The following GRID1 variants were observed in gnomAD, a reference collection of about 807,000 sequenced individuals.
The protein encoded by GRID1 is glutamate ionotropic receptor delta type subunit 1.
In GRID1, 28 loss-of-function variants were observed where a neutral mutation model predicts 98.0. The observed-to-expected ratio is 0.29, with a 90% CI of 0.21 to 0.39. The LOEUF (loss-of-function observed/expected upper bound fraction) is 0.39. Ranked by LOEUF, GRID1 falls within the 10% of genes least tolerant of loss-of-function variation. GRID1 has a pLI of 1.00. For missense variants in GRID1, 1,111 were observed against 1,340.5 expected, an observed-to-expected ratio of 0.83 and a Z score of 2.67; for synonymous variants, 553 against 538.5, an observed-to-expected ratio of 1.03 and a Z score of -0.37.
chr10:85,819,375 G>T (rs1842742278), intron 8 of GRID1, among the ~76,000 whole-genome samples: 1 of 152,180 alleles, frequency 6.6e-6, no homozygotes, highest in Non-Finnish European at 1.5e-5. Context: ...CACACCAAGT[G>T]ATGAATGTTA....
At chr10:85,701,260 C>T (rs935654052) in intron 12 of GRID1, among the ~76,000 whole-genome samples, 19 of 152,034 alleles carry the variant, frequency 1.2e-4, no homozygotes, top group East Asian at 3.9e-4. Context: ...GCAGTAACAA[C>T]GGAAAATGCC....
At chr10:85,801,940 T>C (rs963538916) in intron 8 of GRID1, among the ~76,000 whole-genome samples, 1 of 151,972 alleles carries the variant, frequency 6.6e-6, no homozygotes, top group Non-Finnish European at 1.5e-5. Flanking sequence ...GATAAACAAA[T>C]ATAAAATCTC....
intron 4 of GRID1, among the ~76,000 whole-genome samples, chr10:86,128,012 A>G (rs1229549074): frequency 6.6e-6 from 1 of 152,180 alleles, no homozygotes; most frequent in Admixed American, 6.5e-5. Context: ...TGACCAGTAA[A>G]TAGCCTCAAA....
intron 8 of GRID1, among the ~76,000 whole-genome samples, chr10:85,781,183 C>T (rs894951656): frequency 3.9e-5 from 6 of 152,184 alleles, no homozygotes; most frequent in Non-Finnish European, 8.8e-5. Context: ...AATCTCTGCT[C>T]ACAGATGGAA....
chr10:85,716,976 T>C (rs1253110843), intron 12 of GRID1, among the ~76,000 whole-genome samples: 1 of 152,126 alleles, frequency 6.6e-6, no homozygotes, highest in Non-Finnish European at 1.5e-5. Flanking sequence ...GGGGGAATTA[T>C]GAGCTTTTTG....
chr10:85,659,781 T>C (rs543506525), intron 12 of GRID1, among the ~76,000 whole-genome samples: 1 of 152,222 alleles, frequency 6.6e-6, no homozygotes, highest in Non-Finnish European at 1.5e-5. Context: ...GGATTCCTAC[T>C]CTGTGCCATG....
In GRID1 at chr10:86,364,042, A is replaced by G. The variant is rs747628909; in HGVS notation, c.134T>C (p.Val45Ala). The G allele has an allele frequency of 6.2e-7, 1 of 1,613,916 alleles. No individual in the cohort carries two copies. The highest frequency in any genetic ancestry group is 8.5e-7 in the Non-Finnish European group (1 of 1,179,808). ...AKDDRVFQLA[V>A]SDLSLNDDIL... ...GTCATCGTTGAGGCTCAGGTCGGAT[A>G]CCGCCAACTGGAACACCCTGTCGTC... The change falls in exon 2 of 16, where the codon GTA (valine) becomes GCA (alanine). Residue 45 changes from valine (V) to alanine (A), a missense_variant. Physicochemically the swap from Val to Ala is moderately conservative, Grantham distance 64 (BLOSUM62 0). Coordinates refer to ENST00000327946, the MANE Select transcript of GRID1 (RefSeq NM_017551.3).
intron 2 of GRID1, among the ~76,000 whole-genome samples, chr10:86,242,308 T>G (rs984310910): frequency 3.3e-5 from 5 of 152,160 alleles, no homozygotes; most frequent in Admixed American, 6.5e-5. Context: ...ATGGAGTGTT[T>G]GGAGCAAAAG....
At chr10:85,620,073 C>T (rs753065156) in intron 13 of GRID1, 40 bp from the exon 14 acceptor site, 22 of 1,568,310 alleles carry the variant, frequency 1.4e-5, no homozygotes, top group Non-Finnish European at 1.9e-5. Context: ...GCAGTCCTGG[C>T]CAGCTGTGTC....
At chr10:86,028,046 G>A (rs1843137701) in intron 4 of GRID1, among the ~76,000 whole-genome samples, 1 of 152,262 alleles carries the variant, frequency 6.6e-6, no homozygotes, top group Non-Finnish European at 1.5e-5. Flanking sequence ...GAGAAAATTC[G>A]GCTCAAAGAT....
intron 4 of GRID1, among the ~76,000 whole-genome samples, chr10:85,995,554 G>T (rs1307243258): frequency 6.6e-6 from 1 of 152,226 alleles, no homozygotes; most frequent in African/African-American, 2.4e-5. Context: ...CCTGAACATA[G>T]TCATAAAACC....
At chr10:86,264,948 C>G (rs1380350960) in intron 2 of GRID1, among the ~76,000 whole-genome samples, 2 of 152,250 alleles carry the variant, frequency 1.3e-5, no homozygotes, top group African/African-American at 2.4e-5. Context: ...ACATAGCTAT[C>G]TGCCATCAAG....
intron 4 of GRID1, among the ~76,000 whole-genome samples, chr10:86,099,084 A>G (rs898588966): frequency 2.6e-5 from 4 of 152,242 alleles, no homozygotes; most frequent in African/African-American, 9.6e-5. Context: ...CAAAGTGATT[A>G]CACTGGCTTT....
intron 6 of GRID1, among the ~76,000 whole-genome samples, chr10:85,861,982 G>A (rs569814136): frequency 4.6e-5 from 7 of 152,016 alleles, no homozygotes; most frequent in Admixed American, 2.0e-4. Context: ...GCACAGAGTT[G>A]CCTTTCTCAG....
At chr10:86,191,990 C>T (rs1391881229) in intron 3 of GRID1, among the ~76,000 whole-genome samples, 1 of 152,150 alleles carries the variant, frequency 6.6e-6, no homozygotes. Context: ...AGGCCCTGTG[C>T]ACTGCGAGAA....
intron 8 of GRID1, among the ~76,000 whole-genome samples, chr10:85,839,922 T>C (rs117421711): frequency 0.033 from 5,022 of 152,172 alleles, 125 homozygotes; most frequent in Non-Finnish European, 0.047. Flanking sequence ...AAAAGCAGCA[T>C]ATTACCATTG....
intron 2 of GRID1, among the ~76,000 whole-genome samples, chr10:86,338,082 T>A (rs1848252321): frequency 6.6e-6 from 1 of 152,138 alleles, no homozygotes; most frequent in Non-Finnish European, 1.5e-5. Context: ...ATGAAAATAC[T>A]CCTCCCTGAT....
intron 2 of GRID1, among the ~76,000 whole-genome samples, chr10:86,314,140 A>G (rs1444609747): frequency 6.6e-6 from 1 of 152,182 alleles, no homozygotes; most frequent in Non-Finnish European, 1.5e-5. Flanking sequence ...CCTCCTGAAC[A>G]TGAGTGGCTT....
chr10:85,903,000 G>C (rs1334277799), intron 5 of GRID1, among the ~76,000 whole-genome samples: 1 of 152,102 alleles, frequency 6.6e-6, no homozygotes, highest in East Asian at 1.9e-4. Context: ...AGAGGTGCCA[G>C]GGTTTGGGCC....
Sources: allele counts gnomAD v4.1 joint callset (sites outside exome capture counted in the v4.1 genomes callset), GRCh38; gene constraint gnomAD v4.1.1; transcripts MANE v1.5; gene names NCBI Gene and HGNC (gene_info 2026-07-23, HGNC 2026-07-21).